Variants in DOCK3 observed in about 807,000 individuals in gnomAD.
DOCK3 encodes the protein dedicator of cytokinesis 3.
A neutral mutation model predicts 265.6 loss-of-function variants in DOCK3; 60 were observed. The ratio of observed to expected loss-of-function variants is 0.23; its 90% CI spans 0.18 to 0.28. The LOEUF (loss-of-function observed/expected upper bound fraction) is 0.28. DOCK3 is among the 10% of genes least tolerant of loss of function. DOCK3 has a pLI of 1.00. For missense variants in DOCK3, 1,981 were observed against 2,594.3 expected, an observed-to-expected ratio of 0.76 and a Z score of 5.14; for synonymous variants, 881 against 938.0, an observed-to-expected ratio of 0.94 and a Z score of 1.11.
intron 9 of DOCK3, among the ~76,000 whole-genome samples, chr3:51,142,674 C>T (rs1302992785): frequency 2.6e-5 from 4 of 152,110 alleles, no homozygotes; most frequent in Admixed American, 6.6e-5. Context: ...GTGGATAATG[C>T]TGCTATAAAT....
chr3:50,878,103 C>T (rs544705551), intron 3 of DOCK3, among the ~76,000 whole-genome samples: 2 of 152,186 alleles, frequency 1.3e-5, no homozygotes, highest in East Asian at 3.9e-4. Flanking sequence ...AGGACATCCA[C>T]ACCAAAACCC....
At chr3:50,942,861 G>A (rs1019018394) in intron 5 of DOCK3, among the ~76,000 whole-genome samples, 3 of 151,896 alleles carry the variant, frequency 2.0e-5, no homozygotes, top group South Asian at 4.1e-4. Context: ...TGAAAATTTA[G>A]CATTTGAAGT....
At chr3:51,237,465 A>G (rs2108482492) in intron 20 of DOCK3, 25 bp from the exon 21 acceptor site, 1 of 1,570,044 alleles carries the variant, frequency 6.4e-7, no homozygotes, top group Non-Finnish European at 8.7e-7. Flanking sequence ...GTGAACCCTG[A>G]TGGCTTACTC....
intron 5 of DOCK3, among the ~76,000 whole-genome samples, chr3:51,050,166 T>G (rs1384935984): frequency 6.6e-6 from 1 of 152,078 alleles, no homozygotes; most frequent in Non-Finnish European, 1.5e-5. Flanking sequence ...GGAGGATTGC[T>G]TGAGGCCAGG....
At position 50,869,342 on chromosome 3, in the gene DOCK3, A is replaced by ATTTTTTTTTTTTTTTTTTT. The variant is rs755531254; in HGVS notation, c.163-20654_163-20636dup. ...TCAATTTTATTTATTTCTGCTGGGA[A>ATTTTTTTTTTTTTTTTTTT]TTTTTTTTTTTTTTTTTTTTTTTTT... On this transcript the variant is annotated intron_variant, in intron 3 of 52. Transcript: ENST00000266037. Among the ~76,000 whole-genome samples, 455 of 70,106 alleles carry ATTTTTTTTTTTTTTTTTTT rather than the reference A, an allele frequency of 6.5e-3. 225 individuals are homozygous for ATTTTTTTTTTTTTTTTTTT. The highest frequency in any genetic ancestry group is 7.5e-3 in the East Asian group (18 of 2,402). The allele number at this position is 70,106 out of a possible 152,430, so 46.0% of individuals were successfully genotyped here. A position where few individuals can be genotyped will look rare whatever the true frequency, so the allele number is the denominator to read the frequency against.
intron 2 of DOCK3, among the ~76,000 whole-genome samples, chr3:50,810,113 C>A (rs919771030): frequency 6.6e-6 from 1 of 151,946 alleles, no homozygotes; most frequent in Admixed American, 6.6e-5. Flanking sequence ...TTAGCGTGGG[C>A]GACAGAGGGA....
At chr3:50,795,848 C>G (rs2042742668) in intron 2 of DOCK3, among the ~76,000 whole-genome samples, 1 of 152,154 alleles carries the variant, frequency 6.6e-6, no homozygotes, top group Non-Finnish European at 1.5e-5. Flanking sequence ...AGGTCAGTTA[C>G]ATTCTTTTCT....
chr3:51,284,300 G>T (rs1204899379), intron 27 of DOCK3, among the ~76,000 whole-genome samples: 4 of 151,490 alleles, frequency 2.6e-5, no homozygotes, highest in Non-Finnish European at 5.9e-5. Flanking sequence ...GTCTTCATCT[G>T]CCAGGATCAG....
chr3:51,198,456 C>T (rs553258945), intron 12 of DOCK3, among the ~76,000 whole-genome samples: 1 of 152,144 alleles, frequency 6.6e-6, no homozygotes, highest in South Asian at 2.1e-4. Flanking sequence ...CTCCCACTAA[C>T]TTCAAGTCAA....
At chr3:51,153,505 G>T (rs1312583626) in intron 10 of DOCK3, among the ~76,000 whole-genome samples, 1 of 152,106 alleles carries the variant, frequency 6.6e-6, no homozygotes, top group Admixed American at 6.5e-5. Context: ...GCCCTCCTTG[G>T]GCTGCACCCA....
intron 3 of DOCK3, among the ~76,000 whole-genome samples, chr3:50,885,525 T>C (rs2048282027): frequency 6.6e-6 from 1 of 152,160 alleles, no homozygotes. Context: ...GTACCAGCAA[T>C]GAATGAGGTT....
At chr3:50,812,552 T>C (rs2043822640) in intron 2 of DOCK3, among the ~76,000 whole-genome samples, 1 of 152,194 alleles carries the variant, frequency 6.6e-6, no homozygotes, top group African/African-American at 2.4e-5. Flanking sequence ...CCAGGAGAGC[T>C]TGCGGTATAA....
intron 21 of DOCK3, 46 bp downstream of exon 21, chr3:51,237,636 A>C: frequency 6.5e-7 from 1 of 1,532,592 alleles, no homozygotes; most frequent in Non-Finnish European, 8.9e-7. Context: ...TTTGAGTAGA[A>C]ATATAGGCTT....
chr3:50,907,676 C>T (rs1403046811), intron 4 of DOCK3, among the ~76,000 whole-genome samples: 1 of 152,050 alleles, frequency 6.6e-6, no homozygotes, highest in Non-Finnish European at 1.5e-5. Flanking sequence ...CTCCTGAATA[C>T]AGCACACTGA....
At chr3:50,753,370 TCTTA>T (rs150988916) in intron 1 of DOCK3, among the ~76,000 whole-genome samples, 4,927 of 152,214 alleles carry the variant, frequency 0.032, 106 homozygotes, top group South Asian at 0.085. Context: ...TGAGACATGG[TCTTA>T]CTTTGTTGCC....
chr3:51,162,410 T>G (rs2086183487), intron 12 of DOCK3, among the ~76,000 whole-genome samples: 1 of 152,222 alleles, frequency 6.6e-6, no homozygotes, highest in Non-Finnish European at 1.5e-5. Context: ...GAATCATAAC[T>G]TACAAAGAAA....
At chr3:51,268,162 A>AAGATT (rs1192460884) in intron 23 of DOCK3, among the ~76,000 whole-genome samples, 5 of 152,220 alleles carry the variant, frequency 3.3e-5, no homozygotes, top group Non-Finnish European at 7.3e-5. Flanking sequence ...ACTTCAAAAA[A>AAGATT]AGATTAGATT....
intron 5 of DOCK3, among the ~76,000 whole-genome samples, chr3:51,044,156 A>T (rs991214073): frequency 6.6e-6 from 1 of 152,350 alleles, no homozygotes; most frequent in Non-Finnish European, 1.5e-5. Flanking sequence ...TATTCACAAT[A>T]GCAAAGACAT....
chr3:50,882,328 CA>C (rs2107666376), intron 3 of DOCK3, among the ~76,000 whole-genome samples: 1 of 152,286 alleles, frequency 6.6e-6, no homozygotes, highest in East Asian at 1.9e-4. Flanking sequence ...AGTGAACAAG[CA>C]ACTTACAGAA....
Sources: gnomAD v4.1 joint callset for allele counts (sites outside exome capture counted in the v4.1 genomes callset) on GRCh38, gnomAD v4.1.1 for gene constraint, MANE v1.5 for transcripts, NCBI Gene and HGNC (gene_info 2026-07-23, HGNC 2026-07-21) for gene names.